The following ACTR3B variants were observed in gnomAD, a reference collection of about 807,000 sequenced individuals.
The protein encoded by ACTR3B is actin related protein 3B, also known as actin-related protein 3B.
Under a neutral mutation model 59.0 loss-of-function variants are expected in ACTR3B, and 8 were observed. The ratio of observed to expected loss-of-function variants is 0.14; its 90% CI spans 0.08 to 0.24. The LOEUF is 0.24. Among genes scored for constraint, ACTR3B ranks in the 10% least tolerant of loss-of-function variants. ACTR3B has a pLI of 1.00. For missense variants in ACTR3B, 245 were observed against 552.3 expected, an observed-to-expected ratio of 0.44 and a Z score of 5.58; for synonymous variants, 148 against 197.9, an observed-to-expected ratio of 0.75 and a Z score of 2.12.
chr7:152,812,980 A>AT (rs1459477778), intron 4 of ACTR3B: 1 of 85,462 alleles, frequency 1.2e-5, no homozygotes, highest in Non-Finnish European at 2.4e-5. Context: ...CCTGGCTTGT[A>AT]TGTGGTCACC....
chr7:152,821,465 CA>C (rs1215829426), intron 7 of ACTR3B, among the ~76,000 whole-genome samples: 9 of 145,094 alleles, frequency 6.2e-5, no homozygotes, highest in African/African-American at 2.0e-4. Context: ...GTCTCTATTT[CA>C]AAAAAGAAAA....
At chr7:152,794,715 G>A (rs1370804350) in intron 2 of ACTR3B, among the ~76,000 whole-genome samples, 1 of 151,720 alleles carries the variant, frequency 6.6e-6, no homozygotes. Context: ...AGAGATGGAT[G>A]TTATCTATTT....
At chr7:152,771,842 G>A (rs1173802280) in intron 1 of ACTR3B, among the ~76,000 whole-genome samples, 1 of 152,010 alleles carries the variant, frequency 6.6e-6, no homozygotes, top group African/African-American at 2.4e-5. Context: ...TTGGGAAGCC[G>A]AGGTGGGCAG....
intron 4 of ACTR3B, chr7:152,810,944 G>A (rs971141245): frequency 2.0e-5 from 3 of 151,510 alleles, no homozygotes; most frequent in African/African-American, 7.3e-5. Flanking sequence ...AATTGTTGAA[G>A]CAGAAGGATA....
chr7:152,781,643 G>GTAT (rs1204037627), intron 1 of ACTR3B, among the ~76,000 whole-genome samples: 1 of 152,058 alleles, frequency 6.6e-6, no homozygotes, highest in East Asian at 1.9e-4. Context: ...GGATTCCATA[G>GTAT]GCATCTTTAG....
intron 9 of ACTR3B, among the ~76,000 whole-genome samples, chr7:152,842,986 A>G (rs1797985204): frequency 6.6e-6 from 1 of 152,204 alleles, no homozygotes; most frequent in Non-Finnish European, 1.5e-5. Context: ...GGTCATTTGT[A>G]TATTTTCTTT....
At chr7:152,844,869 T>C (rs1480033891) in intron 9 of ACTR3B, among the ~76,000 whole-genome samples, 2 of 144,594 alleles carry the variant, frequency 1.4e-5, no homozygotes, top group African/African-American at 2.5e-5. Flanking sequence ...TCCTCTTTTG[T>C]ATTTGATCTA....
chr7:152,820,604 A>T (rs1796070201), intron 7 of ACTR3B, among the ~76,000 whole-genome samples, 162 bp downstream of exon 7: 1 of 152,164 alleles, frequency 6.6e-6, no homozygotes, highest in South Asian at 2.1e-4. Context: ...GAAGATGTAA[A>T]GCTTAACCTC....
intron 9 of ACTR3B, among the ~76,000 whole-genome samples, chr7:152,834,342 C>T (rs1286655168): frequency 2.0e-5 from 3 of 151,968 alleles, no homozygotes; most frequent in African/African-American, 4.8e-5. Context: ...TTAGTAGAGA[C>T]GGGGTTTCGC....
chr7:152,830,144 G>A (rs1472804971), intron 9 of ACTR3B, among the ~76,000 whole-genome samples: 1 of 152,250 alleles, frequency 6.6e-6, no homozygotes, highest in Non-Finnish European at 1.5e-5. Context: ...TGCCATCTGA[G>A]CTGAGTCTGA....
At chr7:152,806,304 A>T (rs1266202581) in intron 4 of ACTR3B, among the ~76,000 whole-genome samples, 3 of 152,324 alleles carry the variant, frequency 2.0e-5, no homozygotes, top group African/African-American at 2.4e-5. Context: ...ACCCATAAGG[A>T]TGTGGCCTGA....
chr7:152,840,533 C>G (rs1797798479), intron 9 of ACTR3B, among the ~76,000 whole-genome samples: 1 of 151,400 alleles, frequency 6.6e-6, no homozygotes, highest in Admixed American at 6.6e-5. Flanking sequence ...TTGGGCATCC[C>G]CACCTGGCTC....
intron 4 of ACTR3B, chr7:152,810,857 T>C (rs1000135654): frequency 3.3e-5 from 5 of 151,460 alleles, no homozygotes; most frequent in Non-Finnish European, 7.4e-5. Context: ...AGATCCGAGA[T>C]TGGGCTACTG....
At chr7:152,819,396 G>C (rs1795972436) in intron 6 of ACTR3B, among the ~76,000 whole-genome samples, 1 of 152,236 alleles carries the variant, frequency 6.6e-6, no homozygotes, top group Non-Finnish European at 1.5e-5. Context: ...CGTGAAACCT[G>C]AGTGTCTTTA....
At chr7:152,815,950 C>CT (rs1795658148) in intron 5 of ACTR3B, among the ~76,000 whole-genome samples, 61 of 145,274 alleles carry the variant, frequency 4.2e-4, no homozygotes, top group African/African-American at 1.2e-3. Context: ...TTTTTTCTTT[C>CT]CTTTTTTTAT....
intron 9 of ACTR3B, among the ~76,000 whole-genome samples, chr7:152,833,969 G>T (rs1170137461): frequency 5.3e-5 from 8 of 152,082 alleles, no homozygotes. Context: ...AAGGTGTGCC[G>T]TGAGACGGGG....
chr7:152,815,622 C>T (rs1795627592), intron 5 of ACTR3B, among the ~76,000 whole-genome samples: 1 of 152,354 alleles, frequency 6.6e-6, no homozygotes, highest in African/African-American at 2.4e-5. Context: ...AGCGTAGCAG[C>T]ATCCCTGGCC....
intron 2 of ACTR3B, among the ~76,000 whole-genome samples, chr7:152,787,585 G>A (rs1409797628): frequency 6.6e-6 from 1 of 152,004 alleles, no homozygotes; most frequent in African/African-American, 2.4e-5. Flanking sequence ...TGGTGTGAAG[G>A]AGATAGGTAA....
chr7:152,838,594 G>C (rs750971748), intron 9 of ACTR3B, among the ~76,000 whole-genome samples: 1 of 137,754 alleles, frequency 7.3e-6, no homozygotes, highest in Non-Finnish European at 1.5e-5. Context: ...TGACGGGTTG[G>C]TGGGTGCAGC....
Sources: allele counts gnomAD v4.1 joint callset (sites outside exome capture counted in the v4.1 genomes callset), GRCh38; gene constraint gnomAD v4.1.1; transcripts MANE v1.5; gene names NCBI Gene and HGNC (gene_info 2026-07-23, HGNC 2026-07-21).